NYAP2: variants seen among roughly 807,000 people sequenced by gnomAD.
NYAP2 encodes neuronal tyrosine-phosphorylated phosphoinositide-3-kinase adaptor 2.
Under a neutral mutation model 50.4 loss-of-function variants are expected in NYAP2, and 23 were observed. The observed-to-expected ratio is 0.46, with a 90% CI of 0.33 to 0.65. The LOEUF is 0.65. Ranked by LOEUF, NYAP2 falls within the 30% of genes least tolerant of loss-of-function variation. NYAP2 has a pLI of 0.02. For missense variants in NYAP2, 885 were observed against 861.0 expected (o/e 1.03, Z -0.35); for synonymous variants, 394 against 365.2 (o/e 1.08, Z -0.90).
intron 3 of NYAP2, among the ~76,000 whole-genome samples, chr2:225,437,883 C>A (rs763550725): frequency 2.6e-5 from 4 of 152,162 alleles, no homozygotes; most frequent in Admixed American, 6.5e-5. Context: ...TTTCTATATG[C>A]AATTTATGAA....
chr2:225,583,789 C>T (rs969044361), intron 5 of NYAP2, among the ~76,000 whole-genome samples: 1 of 152,136 alleles, frequency 6.6e-6, no homozygotes, highest in Non-Finnish European at 1.5e-5. Flanking sequence ...GCCTGTAATC[C>T]CAGCACTTTG....
chr2:225,547,291 A>T (rs1354024868), intron 4 of NYAP2, among the ~76,000 whole-genome samples: 5 of 152,216 alleles, frequency 3.3e-5, no homozygotes, highest in Non-Finnish European at 5.9e-5. Flanking sequence ...ATTACATGGC[A>T]TAAGCACCCC....
At chr2:225,695,226 A>T in the NYAP2 span, among the ~76,000 whole-genome samples, 1 of 151,774 alleles carries the variant, frequency 6.6e-6, no homozygotes, top group African/African-American at 2.4e-5. Flanking sequence ...TATATAGGTG[A>T]CCCTGTTGTC....
intron 3 of NYAP2, among the ~76,000 whole-genome samples, chr2:225,425,765 G>C (rs151134851): frequency 0.011 from 1,641 of 152,102 alleles, 26 homozygotes; most frequent in African/African-American, 0.037. Flanking sequence ...AACCACCAAG[G>C]GTTTTATTAT....
At chr2:225,524,880 C>A (rs1052308322) in intron 4 of NYAP2, among the ~76,000 whole-genome samples, 1 of 152,040 alleles carries the variant, frequency 6.6e-6, no homozygotes, top group Admixed American at 6.6e-5. Flanking sequence ...GAAACTCAAA[C>A]AACTAAAGGA....
chr2:225,500,015 A>T (rs1690577738), intron 3 of NYAP2, among the ~76,000 whole-genome samples: 1 of 152,216 alleles, frequency 6.6e-6, no homozygotes, highest in African/African-American at 2.4e-5. Flanking sequence ...CATGGAGAAT[A>T]AAGTGGAAGA....
chr2:225,632,191 G>C (rs539581129), intron 6 of NYAP2, among the ~76,000 whole-genome samples: 1 of 152,230 alleles, frequency 6.6e-6, no homozygotes, highest in Admixed American at 6.5e-5. Flanking sequence ...GGTACATCAA[G>C]AGGGAGTTTT....
At chr2:225,446,891 T>C (rs1689573142) in intron 3 of NYAP2, among the ~76,000 whole-genome samples, 1 of 151,148 alleles carries the variant, frequency 6.6e-6, no homozygotes, top group Non-Finnish European at 1.5e-5. Flanking sequence ...CAGCACGGAG[T>C]CAGCTCCCCA....
At chr2:225,683,769 AG>A in the NYAP2 span, among the ~76,000 whole-genome samples, 1 of 152,168 alleles carries the variant, frequency 6.6e-6, no homozygotes, top group African/African-American at 2.4e-5. Context: ...ATATAAAAGC[AG>A]CAAGGAAGGG....
chr2:225,473,732 G>T (rs1260135226), intron 3 of NYAP2, among the ~76,000 whole-genome samples: 2 of 151,960 alleles, frequency 1.3e-5, no homozygotes, highest in Non-Finnish European at 2.9e-5. Flanking sequence ...TGAGTAGATT[G>T]CAAAAATGTT....
chr2:225,629,312 A>G (rs930814534), intron 6 of NYAP2, among the ~76,000 whole-genome samples: 2 of 152,198 alleles, frequency 1.3e-5, no homozygotes, highest in African/African-American at 4.8e-5. Context: ...AAATTGGATG[A>G]TGCCCACCCA....
At position 225,582,803 on chromosome 2, in the gene NYAP2, G is replaced by T. The variant is rs755401706; in HGVS notation, c.1386G>T (p.Ser462=). 6.2e-7 allele frequency: 1 copy of T among 1,613,690 alleles called. No individual in the cohort carries two copies. Among genetic ancestry groups the T allele is most frequent in the African/African-American group, 1.3e-5 (1 of 74,884 alleles). ...CTCCCCCTTACGACGCTGTGCATTCGGGCAGCCTCTCAAGGAGCTCTCCTT... is the reference window on the plus strand; with the variant it reads ...CTCCCCCTTACGACGCTGTGCATTCTGGCAGCCTCTCAAGGAGCTCTCCTT... The change falls in exon 5 of 7, where the codon TCG becomes TCT. Residue 462 remains serine, a synonymous_variant. Coordinates refer to ENST00000636099, the Ensembl canonical transcript of NYAP2. This position sits in a 1 kb window ranked among gnomAD's most constrained non-coding sequence, Gnocchi z 7.0.
At chr2:225,399,404 TA>T (rs1694820744), upstream of NYAP2, among the ~76,000 whole-genome samples, 1 of 151,968 alleles carries the variant, frequency 6.6e-6, no homozygotes, top group Non-Finnish European at 1.5e-5. Context: ...ATATATTCAG[TA>T]GAGTATTAAG....
At chr2:225,476,267 G>T (rs1690104091) in intron 3 of NYAP2, among the ~76,000 whole-genome samples, 1 of 152,068 alleles carries the variant, frequency 6.6e-6, no homozygotes, top group Non-Finnish European at 1.5e-5. Flanking sequence ...CAAAAAATTA[G>T]CCAGGCGTAG....
rs544994231 is a variant in NYAP2 at position 225,590,850 on chromosome 2, A to G, written c.1618+7815A>G. ...AGAGGCCTTGAGAGTTTAAGAATGG[A>G]ATACATGGTGGGCGATCTGTGAATC... On this transcript the variant is annotated intron_variant, in intron 5 of 6. Coordinates refer to ENST00000636099, the Ensembl canonical transcript of NYAP2. Among the ~76,000 whole-genome samples the G allele has an allele frequency of 2.0e-5, 3 of 152,318 alleles. No homozygotes were observed. In the South Asian group the frequency reaches 6.2e-4, roughly 32 times the overall value.
chr2:225,434,252 C>G (rs887765244), intron 3 of NYAP2, among the ~76,000 whole-genome samples: 6 of 152,272 alleles, frequency 3.9e-5, no homozygotes, highest in Admixed American at 3.9e-4. Flanking sequence ...CCCTCCAGTA[C>G]AGCAGCATCC....
chr2:225,637,819 T>C (rs1277117434), intron 6 of NYAP2, among the ~76,000 whole-genome samples: 1 of 151,938 alleles, frequency 6.6e-6, no homozygotes, highest in Non-Finnish European at 1.5e-5. Context: ...TGGGAGGGAG[T>C]TAACCATTTT....
chr2:225,692,598 A>T, the NYAP2 span, among the ~76,000 whole-genome samples: 1 of 152,090 alleles, frequency 6.6e-6, no homozygotes, highest in African/African-American at 2.4e-5. Context: ...ATATATACAC[A>T]CACACAGTAC....
At chr2:225,683,318 G>T in the NYAP2 span, among the ~76,000 whole-genome samples, 1 of 152,116 alleles carries the variant, frequency 6.6e-6, no homozygotes, top group African/African-American at 2.4e-5. Flanking sequence ...CCTGAGAGGG[G>T]AGAGCCATTT....
Sources: allele counts gnomAD v4.1 joint callset (sites outside exome capture counted in the v4.1 genomes callset), GRCh38; gene constraint gnomAD v4.1.1; non-coding constraint Gnocchi (gnomAD v3.1); transcripts MANE v1.5; gene names NCBI Gene and HGNC (gene_info 2026-07-23, HGNC 2026-07-21).